The following NCKAP5 variants were observed in gnomAD, a reference collection of about 807,000 sequenced individuals.
NCKAP5 encodes NCK associated protein 5.
A neutral mutation model predicts 167.0 loss-of-function variants in NCKAP5; 92 were observed. The observed-to-expected ratio is 0.55, with a 90% CI of 0.47 to 0.66. NCKAP5 has a LOEUF of 0.66. Ranked by LOEUF, NCKAP5 falls within the 30% of genes least tolerant of loss-of-function variation. The pLI, the probability that NCKAP5 is intolerant of heterozygous loss-of-function variation, is 0.00. For synonymous variants in NCKAP5, 891 were observed against 877.4 expected, an observed-to-expected ratio of 1.02 and a Z score of -0.27; for missense variants, 2,378 against 2,315.0, an observed-to-expected ratio of 1.03 and a Z score of -0.56.
At chr2:133,317,123 C>T (rs113909999) in intron 3 of NCKAP5, among the ~76,000 whole-genome samples, 36 of 152,172 alleles carry the variant, frequency 2.4e-4, no homozygotes, top group African/African-American at 7.5e-4. Context: ...CATGCCCTCA[C>T]AAAAAATAAA....
intron 6 of NCKAP5, among the ~76,000 whole-genome samples, chr2:133,004,674 C>T (rs919196369): frequency 6.6e-6 from 1 of 152,130 alleles, no homozygotes; most frequent in African/African-American, 2.4e-5. Flanking sequence ...CCACTGGGCA[C>T]GTATTGTCAT....
At chr2:132,770,707 T>G (rs1681967543) in intron 16 of NCKAP5, among the ~76,000 whole-genome samples, 1 of 152,078 alleles carries the variant, frequency 6.6e-6, no homozygotes, top group South Asian at 2.1e-4. Context: ...AAAGAACACA[T>G]ATGTTTGTGT....
At chr2:133,061,930 C>T (rs1309677754) in intron 6 of NCKAP5, among the ~76,000 whole-genome samples, 1 of 152,140 alleles carries the variant, frequency 6.6e-6, no homozygotes, top group African/African-American at 2.4e-5. Context: ...GACAGTGCAA[C>T]ATGCCCACAT....
intron 19 of NCKAP5, among the ~76,000 whole-genome samples, chr2:132,720,320 C>A (rs970908295): frequency 4.6e-5 from 7 of 152,332 alleles, no homozygotes; most frequent in Non-Finnish European, 8.8e-5. Flanking sequence ...CCTGCTCCCC[C>A]CACTGACTCT....
chr2:133,381,354 C>A (rs1473013389), intron 3 of NCKAP5, among the ~76,000 whole-genome samples: 2 of 152,288 alleles, frequency 1.3e-5, no homozygotes, highest in East Asian at 3.9e-4. Context: ...TTTCTAACGT[C>A]CCTATTTGAA....
intron 6 of NCKAP5, among the ~76,000 whole-genome samples, chr2:132,998,148 C>T (rs1438471189): frequency 6.6e-6 from 1 of 152,140 alleles, no homozygotes. Flanking sequence ...AGTTAGAACT[C>T]GGTTAAAATG....
rs553239036 is a variant in NCKAP5, at chr2:132,796,477, A to G, written c.909+151T>C. ...TACTATATCAGCTGGGGGACATGAT[A>G]TTGAATTTCAGAGAACACAAGAAAG... On this transcript the variant is annotated intron_variant, in intron 12 of 19. Coordinates refer to ENST00000409261, the MANE Select transcript of NCKAP5 (RefSeq NM_207363.3). 4 of 522,580 alleles carry G rather than the reference A, an allele frequency of 7.7e-6. No homozygotes were observed. The Admixed American group carries it at 1.3e-4, about 17-fold the overall frequency. The allele number at this position is 522,580 out of a possible 1,614,324, so 32.4% of individuals were successfully genotyped here.
chr2:133,627,441 A>G, the NCKAP5 span, among the ~76,000 whole-genome samples: 1 of 152,222 alleles, frequency 6.6e-6, no homozygotes, highest in African/African-American at 2.4e-5. Context: ...ACAAATCAGT[A>G]AATATTTTGT....
chr2:133,273,973 CAAAA>C (rs397872263), intron 4 of NCKAP5, among the ~76,000 whole-genome samples: 1 of 123,652 alleles, frequency 8.1e-6, no homozygotes. Flanking sequence ...GTTTGTCTAC[CAAAA>C]AAAAAAAAAA....
At chr2:133,578,323 T>C in the NCKAP5 span, among the ~76,000 whole-genome samples, 1 of 152,220 alleles carries the variant, frequency 6.6e-6, no homozygotes, top group Non-Finnish European at 1.5e-5. Flanking sequence ...AAAAGACATT[T>C]GGCAAATTGT....
intron 2 of NCKAP5, among the ~76,000 whole-genome samples, chr2:133,534,270 AT>A (rs1160153756): frequency 3.3e-5 from 5 of 152,214 alleles, no homozygotes; most frequent in Non-Finnish European, 7.3e-5. Flanking sequence ...ATTTTGATCA[AT>A]ATCACAATTT....
At chr2:132,693,722 T>G (rs1268023101) in intron 19 of NCKAP5, among the ~76,000 whole-genome samples, 5 of 148,652 alleles carry the variant, frequency 3.4e-5, no homozygotes, top group East Asian at 2.1e-4. Flanking sequence ...GCTTCCCCAG[T>G]TCAAGCGATT....
intron 6 of NCKAP5, among the ~76,000 whole-genome samples, chr2:133,095,889 A>T (rs1021225825): frequency 2.0e-5 from 3 of 152,198 alleles, no homozygotes; most frequent in Admixed American, 6.5e-5. Flanking sequence ...CAGCAATCTT[A>T]CAAACAAACC....
intron 6 of NCKAP5, among the ~76,000 whole-genome samples, chr2:133,098,158 C>T (rs1465503712): frequency 6.6e-6 from 1 of 152,148 alleles, no homozygotes; most frequent in Non-Finnish European, 1.5e-5. Flanking sequence ...TTCTGAAATA[C>T]CAGCATAAAT....
chr2:133,145,524 T>C (rs893398436), intron 5 of NCKAP5, among the ~76,000 whole-genome samples: 1 of 151,998 alleles, frequency 6.6e-6, no homozygotes. Context: ...AATAAATAAG[T>C]TAATTTCCCT....
chr2:133,494,638 T>C (rs1681771365), intron 3 of NCKAP5, among the ~76,000 whole-genome samples: 1 of 152,096 alleles, frequency 6.6e-6, no homozygotes, highest in African/African-American at 2.4e-5. Context: ...CATTATACCC[T>C]CCTCTCTATG....
At chr2:133,314,773 AGAG>A (rs1272969258) in intron 3 of NCKAP5, among the ~76,000 whole-genome samples, 4 of 152,184 alleles carry the variant, frequency 2.6e-5, no homozygotes, top group Non-Finnish European at 5.9e-5. Flanking sequence ...AAAACAAAAT[AGAG>A]AAGAGGAAAG....
intron 16 of NCKAP5, among the ~76,000 whole-genome samples, chr2:132,743,562 A>G (rs1203731597): frequency 6.6e-6 from 1 of 151,784 alleles, no homozygotes; most frequent in African/African-American, 2.4e-5. Flanking sequence ...AATAAGTTAC[A>G]AGAGGAAATA....
chr2:132,767,823 CG>C (rs1202077986), intron 16 of NCKAP5, among the ~76,000 whole-genome samples: 3 of 152,228 alleles, frequency 2.0e-5, no homozygotes, highest in African/African-American at 7.2e-5. Flanking sequence ...GAGCCCCCTC[CG>C]GGGAAGAATG....
Sources: gnomAD v4.1 joint callset for allele counts (sites outside exome capture counted in the v4.1 genomes callset) on GRCh38, gnomAD v4.1.1 for gene constraint, MANE v1.5 for transcripts, NCBI Gene and HGNC (gene_info 2026-07-23, HGNC 2026-07-21) for gene names.